Variants in NSD1 observed in about 807,000 individuals in gnomAD.
The protein encoded by NSD1 is histone-lysine N-methyltransferase, H3 lysine-36 specific.
A neutral mutation model predicts 242.7 loss-of-function variants in NSD1; 26 were observed. The observed-to-expected ratio is 0.11, with a 90% CI of 0.08 to 0.15. The LOEUF (loss-of-function observed/expected upper bound fraction) is 0.15, where lower values mean the gene tolerates loss of function less well. NSD1 is among the 10% of genes least tolerant of loss of function. NSD1 has a pLI of 1.00. For missense variants in NSD1, 2,495 were observed against 3,272.8 expected, an observed-to-expected ratio of 0.76 and a Z score of 5.80; for synonymous variants, 1,106 against 1,178.1, an observed-to-expected ratio of 0.94 and a Z score of 1.25.
At chr5:177,179,856 T>TAA (rs974016205) in intron 2 of NSD1, among the ~76,000 whole-genome samples, 1 of 152,154 alleles carries the variant, frequency 6.6e-6, no homozygotes, top group African/African-American at 2.4e-5. Flanking sequence ...TCTGGGCTAT[T>TAA]AAGAAAATTG....
At chr5:177,186,800 G>GGAACACAGGGA (rs1761270952) in intron 2 of NSD1, among the ~76,000 whole-genome samples, 1 of 152,000 alleles carries the variant, frequency 6.6e-6, no homozygotes, top group Admixed American at 6.6e-5. Flanking sequence ...AGCAGCCTGG[G>GGAACACAGGGA]GAACACAGGG....
Position 177,269,555 on chromosome 5 carries a change from C to G in NSD1, c.5304-47C>G. The G allele has an allele frequency of 6.5e-7, 1 of 1,542,464 alleles. No individual in the cohort carries two copies. The highest frequency in any genetic ancestry group is 2.2e-5 in the East Asian group (1 of 44,492). On this transcript the variant is annotated intron_variant, in intron 15 of 22. Coordinates refer to ENST00000439151, the MANE Select transcript of NSD1 (RefSeq NM_022455.5). The surrounding 1 kb of genome is among the most constrained non-coding windows in gnomAD (Gnocchi z 5.1). ...ATATGAGTAGGTTATTTTCCTAATG[C>G]CTTGCAGCCTTCTAGAGGTTTTCCT...
chr5:177,289,118 G>C (rs557590905), intron 21 of NSD1, among the ~76,000 whole-genome samples, 193 bp downstream of exon 21: 3 of 152,154 alleles, frequency 2.0e-5, no homozygotes, highest in Non-Finnish European at 1.5e-5. Flanking sequence ...TCAGGAGTTC[G>C]AGACCAGCCT....
rs762416925 is a variant in NSD1, at chr5:177,192,028, T to TG, written c.1063+10dup. 53 of 1,613,568 alleles carry TG rather than the reference T, an allele frequency of 3.3e-5. No homozygotes were observed. The highest frequency in any genetic ancestry group is 4.4e-5 in the Non-Finnish European group (52 of 1,179,688). On this transcript the variant is annotated intron_variant, in intron 3 of 22. Coordinates refer to ENST00000439151, the MANE Select transcript of NSD1 (RefSeq NM_022455.5). ...ACATTCAAAAATGAAAGGTAATACT[T>TG]GCAGTGATTATACATGTTAAAGGCA...
intron 2 of NSD1, among the ~76,000 whole-genome samples, chr5:177,146,796 T>A (rs955459688): frequency 6.6e-6 from 1 of 151,462 alleles, no homozygotes; most frequent in Non-Finnish European, 1.5e-5. Context: ...CTGAGGTCAG[T>A]AGTTCGAGAC....
intron 13 of NSD1, 58 bp downstream of exon 13, chr5:177,257,209 G>C: frequency 5.0e-6 from 5 of 1,009,090 alleles, no homozygotes; most frequent in Non-Finnish European, 7.5e-6. Flanking sequence ...ATTGGCAACA[G>C]ATATTTTCTT....
chr5:177,260,696 T>C (rs572782803), intron 14 of NSD1, among the ~76,000 whole-genome samples: 2 of 152,294 alleles, frequency 1.3e-5, no homozygotes, highest in South Asian at 4.2e-4. Context: ...GGAGAGGTTT[T>C]ATTTTTCTTA....
At chr5:177,259,968 T>C in intron 13 of NSD1, 21 bp from the exon 14 acceptor site, 2 of 1,614,072 alleles carry the variant, frequency 1.2e-6, no homozygotes, top group South Asian at 2.2e-5. Flanking sequence ...CTTTTGCTTG[T>C]CCCTGATTTT....
intron 10 of NSD1, chr5:177,247,861 A>G (rs1457861821): frequency 1.1e-6 from 1 of 945,764 alleles, no homozygotes; most frequent in African/African-American, 1.8e-5. Flanking sequence ...TATTTAGGAA[A>G]CACTGATCTT....
chr5:177,192,728 A>G (rs903304373), intron 3 of NSD1, among the ~76,000 whole-genome samples: 1 of 152,030 alleles, frequency 6.6e-6, no homozygotes, highest in African/African-American at 2.4e-5. Context: ...ACGGGGTTTC[A>G]CCATGTTGGC....
chr5:177,159,339 C>T (rs928500192), intron 2 of NSD1, among the ~76,000 whole-genome samples: 2 of 150,976 alleles, frequency 1.3e-5, no homozygotes, highest in Non-Finnish European at 2.9e-5. Flanking sequence ...GGCTGGAGTG[C>T]GGTGGCAGTA....
intron 4 of NSD1, among the ~76,000 whole-genome samples, chr5:177,207,884 A>T (rs1025770891): frequency 6.6e-6 from 1 of 151,840 alleles, no homozygotes; most frequent in African/African-American, 2.4e-5. Flanking sequence ...CTGGGACCAT[A>T]TGCATGCAGC....
chr5:177,267,133 C>T (rs1316506443), intron 14 of NSD1, among the ~76,000 whole-genome samples: 5 of 152,310 alleles, frequency 3.3e-5, no homozygotes, highest in Admixed American at 2.0e-4. Context: ...GCTGGGATTA[C>T]AGGCCTGAGG....
intron 5 of NSD1, chr5:177,220,939 A>G (rs1581359941): frequency 4.6e-6 from 2 of 439,558 alleles, no homozygotes; most frequent in East Asian, 1.5e-4. Context: ...ATCTCAGCTC[A>G]CTGCAACCTC....
intron 15 of NSD1, among the ~76,000 whole-genome samples, chr5:177,268,681 G>C (rs1238220619): frequency 1.3e-5 from 2 of 151,962 alleles, no homozygotes; most frequent in Non-Finnish European, 2.9e-5. Flanking sequence ...CTCAATTCTA[G>C]GTTTTTCATT....
intron 5 of NSD1, among the ~76,000 whole-genome samples, chr5:177,218,319 G>T (rs566309940): frequency 6.6e-6 from 1 of 152,262 alleles, no homozygotes; most frequent in South Asian, 2.1e-4. Flanking sequence ...AAAGTGCTGG[G>T]ATTACAGGTG....
chr5:177,175,756 T>A (rs1760139459), intron 2 of NSD1, among the ~76,000 whole-genome samples: 1 of 152,056 alleles, frequency 6.6e-6, no homozygotes, highest in Admixed American at 6.6e-5. Context: ...TGTATGAAAA[T>A]AGTAACATCT....
At chr5:177,197,494 C>A (rs1260190056) in intron 3 of NSD1, among the ~76,000 whole-genome samples, 1 of 151,330 alleles carries the variant, frequency 6.6e-6, no homozygotes, top group African/African-American at 2.4e-5. Flanking sequence ...GGGTGGCGGG[C>A]GCCTGTAGTC....
chr5:177,212,475 TTC>T (rs1220906891), intron 5 of NSD1, among the ~76,000 whole-genome samples: 35 of 129,342 alleles, frequency 2.7e-4, no homozygotes, highest in African/African-American at 1.3e-3. Flanking sequence ...CTCTCTCTCT[TTC>T]TCTCTCTCTC....
Sources: gnomAD v4.1 joint callset for allele counts (sites outside exome capture counted in the v4.1 genomes callset) on GRCh38, gnomAD v4.1.1 for gene constraint, Gnocchi (gnomAD v3.1) non-coding constraint, MANE v1.5 for transcripts, NCBI Gene and HGNC (gene_info 2026-07-23, HGNC 2026-07-21) for gene names.